ZNF525: variants seen among roughly 807,000 people sequenced by gnomAD.
The protein encoded by ZNF525 is zinc finger protein 525.
In ZNF525, 33 loss-of-function variants were observed where a neutral mutation model predicts 37.6. That is an observed-to-expected ratio of 0.88 (90% CI 0.67 to 1.17). ZNF525 has a LOEUF of 1.17. ZNF525 is among the 50% of genes most tolerant of loss of function. The pLI, the probability that ZNF525 is intolerant of heterozygous loss-of-function variation, is 0.00. For missense variants in ZNF525, 449 were observed against 543.1 expected, an observed-to-expected ratio of 0.83 and a Z score of 1.72; for synonymous variants, 170 against 182.3, an observed-to-expected ratio of 0.93 and a Z score of 0.54.
chr19:53,384,241 T>A lies in ZNF525; in HGVS notation c.*2222T>A. The A allele has an allele frequency of 4.0e-6, 1 of 249,826 alleles. No individual in the cohort carries two copies. Among genetic ancestry groups the A allele is most frequent in the Non-Finnish European group, 8.1e-6 (1 of 123,876 alleles). 15.5% of individuals were successfully genotyped at this position (249,826 alleles called of 1,614,324 possible). Reference sequence around the variant, plus strand: ...GCTCACGCCTGTAATCCCAGCACTTTGGTAGGCCAAGGTGGGTAAATCACT... The same window carrying A: ...GCTCACGCCTGTAATCCCAGCACTTAGGTAGGCCAAGGTGGGTAAATCACT... On this transcript the variant is annotated 3_prime_UTR_variant, in exon 4 of 4. Transcript: ENST00000474037.
intron 1 of ZNF525, among the ~76,000 whole-genome samples, chr19:53,371,135 G>A (rs998279941): frequency 1.3e-5 from 2 of 150,060 alleles, no homozygotes. Flanking sequence ...AGTTCCCTCT[G>A]CCCATCAGTC....
intron 3 of ZNF525, among the ~76,000 whole-genome samples, chr19:53,378,638 C>A (rs980647090): frequency 5.9e-5 from 9 of 152,228 alleles, no homozygotes; most frequent in African/African-American, 1.7e-4. Flanking sequence ...GTGCCAGCCA[C>A]ATTGGTTCCT....
Position 53,385,007 on chromosome 19 carries a change from G to T in ZNF525, c.*2988G>T. 1.4e-6 allele frequency: 1 copy of T among 701,284 alleles called. No homozygotes were observed. The highest frequency in any genetic ancestry group is 2.7e-5 in the East Asian group (1 of 37,066). 43.4% of individuals were successfully genotyped at this position (701,284 alleles called of 1,614,324 possible). On this transcript the variant is annotated 3_prime_UTR_variant, in exon 4 of 4. Transcript: ENST00000474037. ...GACTGGATTTTGAATTTTGTGGAACGCTTTTTCTCCATCTACTAAGGTGAT... is the reference window on the plus strand; with the variant it reads ...GACTGGATTTTGAATTTTGTGGAACTCTTTTTCTCCATCTACTAAGGTGAT...
At position 53,383,431 on chromosome 19, in the gene ZNF525, G is replaced by A. The variant is rs1349113662; in HGVS notation, c.*1412G>A. ...GAAGAATGTGACAAAGTTTACAGTCGCAAATCAAACCTCGAAAGACAGGAG... is the reference window on the plus strand; with the variant it reads ...GAAGAATGTGACAAAGTTTACAGTCACAAATCAAACCTCGAAAGACAGGAG... On this transcript the variant is annotated 3_prime_UTR_variant, in exon 4 of 4. Coordinates refer to ENST00000474037, the MANE Select transcript of ZNF525 (RefSeq NM_001348156.2). 2.2e-5 allele frequency: 23 copies of A among 1,044,770 alleles called. No homozygotes were observed. Among genetic ancestry groups the A allele is most frequent in the Middle Eastern group, 4.6e-4 (2 of 4,382 alleles). The allele number at this position is 1,044,770 out of a possible 1,614,324, so 64.7% of individuals were successfully genotyped here. A position where few individuals can be genotyped will look rare whatever the true frequency, so the allele number is the denominator to read the frequency against.
intron 1 of ZNF525, among the ~76,000 whole-genome samples, chr19:53,371,576 C>A (rs746487975): frequency 2.6e-5 from 4 of 152,148 alleles, no homozygotes; most frequent in Non-Finnish European, 5.9e-5. Flanking sequence ...ACCATGTTGA[C>A]CATGCTGGTC....
Position 53,385,308 on chromosome 19 carries a change from T to A in ZNF525, c.*3289T>A, listed in dbSNP as rs897986774. On this transcript the variant is annotated 3_prime_UTR_variant, in exon 4 of 4. Coordinates refer to ENST00000474037, the MANE Select transcript of ZNF525 (RefSeq NM_001348156.2). ...CTGAACAGGCTCTAGTTTGATGCCCTCAAAAGGATAAGACATGAGTATAAA... is the reference window on the plus strand; with the variant it reads ...CTGAACAGGCTCTAGTTTGATGCCCACAAAAGGATAAGACATGAGTATAAA... 4.3e-5 allele frequency: 11 copies of A among 256,140 alleles called. No individual in the cohort carries two copies. The highest frequency in any genetic ancestry group is 2.2e-4 in the African/African-American group (10 of 44,754). 15.9% of individuals were successfully genotyped at this position (256,140 alleles called of 1,614,324 possible).
chr19:53,366,268 A>G (rs1236325973), intron 1 of ZNF525, among the ~76,000 whole-genome samples: 1 of 113,040 alleles, frequency 8.8e-6, no homozygotes, highest in African/African-American at 2.5e-5. Flanking sequence ...ATCCGCAGTC[A>G]CAGCTTGCCC....
chr19:53,375,660 G>C (rs1029236648), intron 2 of ZNF525, 110 bp from the exon 3 acceptor site: 2 of 1,608,828 alleles, frequency 1.2e-6, no homozygotes, highest in Non-Finnish European at 1.7e-6. Context: ...GGATTTGTCA[G>C]AACATTCACT....
In ZNF525 at chr19:53,381,698, T is replaced by G. The variant is rs1246736254; in HGVS notation, c.1119T>G (p.His373Gln). ...AFSFKSNLES[H>Q]RITHTGEKPY... ...GTTTCAAATCAAACCTTGAAAGTCA[T>G]AGGATAACTCATACTGGAGAGAAAC... Residue 373 changes from histidine (H) to glutamine (Q), a missense_variant, in exon 4 of 4, where the codon CAT becomes CAG. Coordinates refer to ENST00000474037, the MANE Select transcript of ZNF525 (RefSeq NM_001348156.2). 1 of 1,100,024 alleles carries G rather than the reference T, an allele frequency of 9.1e-7. No homozygotes were observed. The highest frequency in any genetic ancestry group is 2.3e-5 in the East Asian group (1 of 42,640). 68.1% of individuals were successfully genotyped at this position (1,100,024 alleles called of 1,614,324 possible). A position where few individuals can be genotyped will look rare whatever the true frequency, so the allele number is the denominator to read the frequency against.
rs1000501860 is a variant in ZNF525 at position 53,383,941 on chromosome 19, C to T, written c.*1922C>T. 1.9e-4 allele frequency: 138 copies of T among 740,030 alleles called. 3 individuals carry two copies. Among genetic ancestry groups the T allele is most frequent in the Non-Finnish European group, 7.4e-5 (32 of 431,556 alleles). 45.8% of individuals were successfully genotyped at this position (740,030 alleles called of 1,614,324 possible). ...GCAAAGCCTTTACTTCACATTCTCA[C>T]CTCATTAGACATCAGAGAATCCATA... On this transcript the variant is annotated 3_prime_UTR_variant, in exon 4 of 4. Coordinates refer to ENST00000474037, the MANE Select transcript of ZNF525 (RefSeq NM_001348156.2).
At position 53,381,830 on chromosome 19, in the gene ZNF525, T is replaced by G. The variant is rs775579609; in HGVS notation, c.1251T>G (p.Asp417Glu). ...GEKPYKCEEC[D>E]EAFRFKSSLE... ...AACCTTACAAGTGTGAAGAATGTGA[T>G]GAAGCTTTCCGTTTCAAATCAAGTC... Residue 417 changes from aspartate to glutamate, a missense_variant, in exon 4 of 4, where the codon GAT (aspartate) becomes GAG (glutamate). Asp to Glu is a conservative substitution (Grantham distance 45). Coordinates refer to ENST00000474037, the MANE Select transcript of ZNF525 (RefSeq NM_001348156.2). The G allele has an allele frequency of 9.4e-7, 1 of 1,059,500 alleles. No individual in the cohort carries two copies. The highest frequency in any genetic ancestry group is 1.7e-5 in the Admixed American group (1 of 59,300). The allele number at this position is 1,059,500 out of a possible 1,614,324, so 65.6% of individuals were successfully genotyped here.
At position 53,381,729 on chromosome 19, in the gene ZNF525, A is replaced by T; in HGVS notation, c.1150A>T (p.Lys384Ter). The T allele has an allele frequency of 9.2e-7, 1 of 1,083,530 alleles. No individual in the cohort carries two copies. Among genetic ancestry groups the T allele is most frequent in the Non-Finnish European group, 1.4e-6 (1 of 694,924 alleles). The allele number at this position is 1,083,530 out of a possible 1,614,324, so 67.1% of individuals were successfully genotyped here. The change falls in exon 4 of 4, where the codon AAG (lysine) becomes TAG (stop). Residue 384 changes from lysine (K) to a stop codon, truncating the protein, a stop_gained. Coordinates refer to ENST00000474037, the MANE Select transcript of ZNF525 (RefSeq NM_001348156.2). LOFTEE classifies it high-confidence loss of function. ...RITHTGEKPY[K>*]CNDCGKTFSH... ...AACTCATACTGGAGAGAAACCATAC[A>T]AGTGTAATGATTGTGGCAAGACCTT...
intron 1 of ZNF525, among the ~76,000 whole-genome samples, chr19:53,367,214 C>T (rs1436119768): frequency 2.6e-5 from 4 of 152,126 alleles, no homozygotes; most frequent in Non-Finnish European, 5.9e-5. Context: ...CAAACAGCGT[C>T]TCATAACTGT....
intron 1 of ZNF525, among the ~76,000 whole-genome samples, chr19:53,370,596 A>G (rs998976138): frequency 2.6e-5 from 4 of 151,944 alleles, no homozygotes; most frequent in East Asian, 3.9e-4. Context: ...GCAAAATAGA[A>G]TGCATGTCTG....
Position 53,372,222 on chromosome 19 carries a change from A to G in ZNF525, c.-60A>G. ...CATATTTTTATCACTCAGGATTGACATCTAAAGACTCTTGGTACATGAGGA... is the reference window on the plus strand; with the variant it reads ...CATATTTTTATCACTCAGGATTGACGTCTAAAGACTCTTGGTACATGAGGA... On this transcript the variant is annotated 5_prime_UTR_variant, in exon 2 of 4. Transcript: ENST00000474037. 1.4e-6 allele frequency: 1 copy of G among 708,986 alleles called. No individual in the cohort carries two copies. Among genetic ancestry groups the G allele is most frequent in the Non-Finnish European group, 2.5e-6 (1 of 394,268 alleles). The allele number at this position is 708,986 out of a possible 1,614,324, so 43.9% of individuals were successfully genotyped here. A position where few individuals can be genotyped will look rare whatever the true frequency, so the allele number is the denominator to read the frequency against.
In ZNF525 at chr19:53,381,280, A is replaced by G. The variant is rs776550310; in HGVS notation, c.701A>G (p.Gln234Arg). ...FNYSSLLRKH[Q>R]IIHLGEKQYK... Reference sequence around the variant, plus strand: ...TATAGCTCACTCTTAAGGAAACATCAGATTATTCATCTAGGAGAGAAACAA... The same window carrying G: ...TATAGCTCACTCTTAAGGAAACATCGGATTATTCATCTAGGAGAGAAACAA... Residue 234 changes from glutamine to arginine, a missense_variant, in exon 4 of 4, where the codon CAG becomes CGG. Physicochemically the swap from Gln to Arg is conservative, Grantham distance 43. Coordinates refer to ENST00000474037, the MANE Select transcript of ZNF525 (RefSeq NM_001348156.2). 15 of 1,437,960 alleles carry G rather than the reference A, an allele frequency of 1.0e-5. No individual in the cohort carries two copies. Among genetic ancestry groups the G allele is most frequent in the Admixed American group, 1.7e-5 (1 of 59,802 alleles). 89.1% of individuals were successfully genotyped at this position (1,437,960 alleles called of 1,614,324 possible).
chr19:53,384,775 T>C lies in ZNF525; in HGVS notation c.*2756T>C, dbSNP rs2085593462. 2 of 504,844 alleles carry C rather than the reference T, an allele frequency of 4.0e-6. No homozygotes were observed. The highest frequency in any genetic ancestry group is 4.0e-5 in the African/African-American group (2 of 50,550). The allele number at this position is 504,844 out of a possible 1,614,324, so 31.3% of individuals were successfully genotyped here. The stretch of plus-strand genomic sequence containing the variant: ...TCTTTCTTTCTGATTTGGATGAGTT[T>C]GATTTCTTTTGCTATTTAATTGCTC... On this transcript the variant is annotated 3_prime_UTR_variant, in exon 4 of 4. Transcript: ENST00000474037.
chr19:53,385,154 C>A lies in ZNF525; in HGVS notation c.*3135C>A, dbSNP rs762184175. The A allele has an allele frequency of 7.0e-4, 365 of 518,424 alleles. 1 individual carries two copies. The highest frequency in any genetic ancestry group is 1.0e-3 in the Middle Eastern group (3 of 2,958). The allele number at this position is 518,424 out of a possible 1,614,324, so 32.1% of individuals were successfully genotyped here. A position where few individuals can be genotyped will look rare whatever the true frequency, so the allele number is the denominator to read the frequency against. Reference sequence around the variant, plus strand: ...AATATCTACATTTTTTTAATATCCTCTTGAATACAGTTTTCTAGGACAAGG... The same window carrying A: ...AATATCTACATTTTTTTAATATCCTATTGAATACAGTTTTCTAGGACAAGG... On this transcript the variant is annotated 3_prime_UTR_variant, in exon 4 of 4. Coordinates refer to ENST00000474037, the MANE Select transcript of ZNF525 (RefSeq NM_001348156.2).
chr19:53,381,903 A>T lies in ZNF525; in HGVS notation c.1324A>T (p.Asn442Tyr), dbSNP rs770573430. ...IHNGEKLYKC[N>Y]ECGKTFSQEL... The stretch of plus-strand genomic sequence containing the variant: ...TAATGGAGAGAAACTGTACAAATGT[A>T]ATGAGTGTGGCAAGACCTTCAGTCA... Residue 442 changes from asparagine (N) to tyrosine (Y), a missense_variant, in exon 4 of 4, where the codon AAT becomes TAT. This residue lies in a region of ZNF525 where 178 missense variants were observed against 161.5 expected (regional missense o/e 1.10). Coordinates refer to ENST00000474037, the MANE Select transcript of ZNF525 (RefSeq NM_001348156.2). 1 of 981,596 alleles carries T rather than the reference A, an allele frequency of 1.0e-6. No individual in the cohort carries two copies. Among genetic ancestry groups the T allele is most frequent in the Non-Finnish European group, 1.7e-6 (1 of 601,654 alleles). The allele number at this position is 981,596 out of a possible 1,614,324, so 60.8% of individuals were successfully genotyped here. A position where few individuals can be genotyped will look rare whatever the true frequency, so the allele number is the denominator to read the frequency against.
Sources: allele counts gnomAD v4.1 joint callset (sites outside exome capture counted in the v4.1 genomes callset), GRCh38; gene constraint gnomAD v4.1.1; regional missense constraint gnomAD v4.1.1; transcripts MANE v1.5; gene names NCBI Gene and HGNC (gene_info 2026-07-23, HGNC 2026-07-21).